ZFP62: variants seen among roughly 807,000 people sequenced by gnomAD.
ZFP62 encodes zinc finger protein 62 homolog.
A neutral mutation model predicts 56.4 loss-of-function variants in ZFP62; 44 were observed. The ratio of observed to expected loss-of-function variants is 0.78; its 90% CI spans 0.61 to 1.00. The LOEUF (loss-of-function observed/expected upper bound fraction) is 1.00. Ranked by LOEUF, ZFP62 falls within the 50% of genes least tolerant of loss-of-function variation. ZFP62 has a pLI of 0.00. For missense variants in ZFP62, 1,030 were observed against 1,085.7 expected (o/e 0.95, Z 0.72); for synonymous variants, 421 against 388.9 (o/e 1.08, Z -0.97).
the ZFP62 span, among the ~76,000 whole-genome samples, chr5:180,836,107 A>C: frequency 6.6e-6 from 1 of 152,274 alleles, no homozygotes; most frequent in Non-Finnish European, 1.5e-5. Context: ...CATGCCGTGC[A>C]GCCTAGCTGT....
At chr5:180,860,505 C>T (rs1477497232) in intron 1 of ZFP62, 1 of 152,022 alleles carries the variant, frequency 6.6e-6, no homozygotes, top group Non-Finnish European at 1.5e-5. Context: ...GTCTAAGAAA[C>T]TCTTCGACCT....
chr5:180,827,404 C>T, the ZFP62 span, among the ~76,000 whole-genome samples: 1 of 152,186 alleles, frequency 6.6e-6, no homozygotes, highest in Non-Finnish European at 1.5e-5. Context: ...TACCCCCAAC[C>T]CTGTGCTCCC....
Position 180,848,572 on chromosome 5 carries a change from C to G in ZFP62, c.*220G>C, listed in dbSNP as rs1773503794. The stretch of plus-strand genomic sequence containing the variant: ...ATCACTCAGATCTAAGTTTTTCTCT[C>G]AAGTATGGACTGTTTTATATCCTGT... On this transcript the variant is annotated 3_prime_UTR_variant, in exon 2 of 2. Coordinates refer to ENST00000502412, the MANE Select transcript of ZFP62 (RefSeq NM_001172638.2). The G allele has an allele frequency of 1.2e-5, 15 of 1,246,208 alleles. No individual in the cohort carries two copies. Among genetic ancestry groups the G allele is most frequent in the Non-Finnish European group, 1.5e-5 (15 of 994,056 alleles). The allele number at this position is 1,246,208 out of a possible 1,614,324, so 77.2% of individuals were successfully genotyped here. A position where few individuals can be genotyped will look rare whatever the true frequency, so the allele number is the denominator to read the frequency against.
intron 1 of ZFP62, among the ~76,000 whole-genome samples, chr5:180,858,565 G>A (rs552455775): frequency 6.6e-6 from 1 of 152,044 alleles, no homozygotes. Flanking sequence ...CCAAGATAGC[G>A]CCATTGCACT....
At chr5:180,851,579 T>A in intron 1 of ZFP62, 86 bp from the exon 2 acceptor site, 1 of 1,374,042 alleles carries the variant, frequency 7.3e-7, no homozygotes, top group Admixed American at 2.8e-5. Context: ...CAACATTCAC[T>A]TGACAAACAT....
the ZFP62 span, among the ~76,000 whole-genome samples, chr5:180,839,195 T>C: frequency 6.6e-6 from 1 of 152,186 alleles, no homozygotes; most frequent in African/African-American, 2.4e-5. Context: ...CAAAAGCGTA[T>C]GTTTAGAAGC....
At chr5:180,851,650 G>C (rs1561906461) in intron 1 of ZFP62, among the ~76,000 whole-genome samples, 157 bp from the exon 2 acceptor site, 1 of 152,128 alleles carries the variant, frequency 6.6e-6, no homozygotes, top group Non-Finnish European at 1.5e-5. Context: ...TAAGTACTAG[G>C]GATACAACAA....
At chr5:180,835,058 A>C in the ZFP62 span, 1 of 152,378 alleles carries the variant, frequency 6.6e-6, no homozygotes, top group Admixed American at 6.5e-5. Flanking sequence ...GCCAGCCTTC[A>C]GAACTCTAAG....
chr5:180,846,110 G>A (rs371631544), downstream of ZFP62, among the ~76,000 whole-genome samples: 19 of 152,270 alleles, frequency 1.2e-4, no homozygotes, highest in East Asian at 1.3e-3. Context: ...AGGCTCAGCC[G>A]CACCAGTTCA....
rs540801784 is a variant in ZFP62, at chr5:180,855,436, G to A, written c.2-3943C>T. On this transcript the variant is annotated intron_variant, in intron 1 of 1. Transcript: ENST00000502412. ...TCCACGCAGACCACACTGCATTAGC[G>A]TCTTCAGGCTGCTGCTTGCCCTCCG... Among the ~76,000 whole-genome samples the A allele has an allele frequency of 1.4e-4, 22 of 152,154 alleles. No individual in the cohort carries two copies. In the South Asian group the frequency reaches 4.2e-3, roughly 29 times the overall value.
At chr5:180,846,259 T>C (rs1773409418), downstream of ZFP62, among the ~76,000 whole-genome samples, 1 of 152,168 alleles carries the variant, frequency 6.6e-6, no homozygotes, top group South Asian at 2.1e-4. Context: ...GGAGCTTGTC[T>C]GGTGCTTAGT....
At position 180,851,086 on chromosome 5, in the gene ZFP62, C is replaced by T. The variant is rs1561905563; in HGVS notation, c.409G>A (p.Val137Ile). The change falls in exon 2 of 2, where the codon GTT becomes ATT. Residue 137 changes from valine to isoleucine, a missense_variant. Transcript: ENST00000502412. ...TCATCACATTTATGTAATTTCTTAA[C>T]AGCATTGGTTTTCTGCTGTAGACTA... ...YPSLQQKTNAVKKLHKCDECG... is the reference protein window; with the variant it reads ...YPSLQQKTNAIKKLHKCDECG... 2 of 1,551,694 alleles carry T rather than the reference C, an allele frequency of 1.3e-6. No individual in the cohort carries two copies. Among genetic ancestry groups the T allele is most frequent in the African/African-American group, 1.4e-5 (1 of 73,156 alleles).
Position 180,852,742 on chromosome 5 carries a change from C to G in ZFP62, c.2-1249G>C, listed in dbSNP as rs1254297508. 2.6e-5 allele frequency among the ~76,000 whole-genome samples: 4 copies of G among 152,112 alleles called. No homozygotes were observed. The East Asian group carries it at 5.8e-4, about 22-fold the overall frequency. ...ATGATGACTCATATGCAACAAAAGA[C>G]TGATACATTTTCAAAAACTGAAGAA... is the stretch of plus-strand genomic sequence containing the variant. On this transcript the variant is annotated intron_variant, in intron 1 of 1. Transcript: ENST00000502412.
chr5:180,845,367 C>T (rs186686287), downstream of ZFP62, among the ~76,000 whole-genome samples: 262 of 111,948 alleles, frequency 2.3e-3, 1 homozygote, highest in Non-Finnish European at 3.1e-3. Context: ...AAAAAAGACA[C>T]GTGAGGACAC....
At chr5:180,826,905 G>A in the ZFP62 span, among the ~76,000 whole-genome samples, 3 of 152,338 alleles carry the variant, frequency 2.0e-5, no homozygotes, top group Middle Eastern at 3.4e-3. Flanking sequence ...TTGAGATGGA[G>A]TTGAGAAAGC....
At chr5:180,838,377 G>A in the ZFP62 span, among the ~76,000 whole-genome samples, 4 of 152,130 alleles carry the variant, frequency 2.6e-5, no homozygotes, top group Admixed American at 6.5e-5. Flanking sequence ...TGAAAGTTGA[G>A]GAAGGGCTGA....
At chr5:180,837,972 T>G in the ZFP62 span, among the ~76,000 whole-genome samples, 2 of 152,220 alleles carry the variant, frequency 1.3e-5, no homozygotes, top group Non-Finnish European at 2.9e-5. Context: ...AACCTTACAT[T>G]TGCCAATGCA....
intron 1 of ZFP62, among the ~76,000 whole-genome samples, chr5:180,854,772 G>C (rs1168558800): frequency 2.0e-5 from 3 of 152,160 alleles, no homozygotes; most frequent in Admixed American, 2.0e-4. Context: ...CTAAAACAGA[G>C]GGTGGAGAGA....
At position 180,851,106 on chromosome 5, in the gene ZFP62, A is replaced by G; in HGVS notation, c.389T>C (p.Leu130Pro). 1 of 1,551,738 alleles carries G rather than the reference A, an allele frequency of 6.4e-7. No homozygotes were observed. ...ENINGTSYPS[L>P]QQKTNAVKKL... ...CTTAACAGCATTGGTTTTCTGCTGT[A>G]GACTAGGGTAGGAGGTTCCATTAAT... is the stretch of plus-strand genomic sequence containing the variant. Residue 130 changes from leucine to proline, a missense_variant, in exon 2 of 2, where the codon CTA becomes CCA. By Grantham distance (98) the Leu-to-Pro change is moderately conservative. Coordinates refer to ENST00000502412, the MANE Select transcript of ZFP62 (RefSeq NM_001172638.2).
Sources: allele counts gnomAD v4.1 joint callset (sites outside exome capture counted in the v4.1 genomes callset), GRCh38; gene constraint gnomAD v4.1.1; transcripts MANE v1.5; gene names NCBI Gene and HGNC (gene_info 2026-07-23, HGNC 2026-07-21).